ALOXE3: variants seen among roughly 807,000 people sequenced by gnomAD.
The protein encoded by ALOXE3 is hydroperoxide isomerase ALOXE3.
In ALOXE3, 78 loss-of-function variants were observed where a neutral mutation model predicts 87.5. The ratio of observed to expected loss-of-function variants is 0.89; its 90% CI spans 0.74 to 1.08. ALOXE3 has a LOEUF of 1.08. Among genes scored for constraint, ALOXE3 ranks in the 50% least tolerant of loss-of-function variants. The probability of loss-of-function intolerance (pLI) is 0.00; values close to 1 mark genes in which losing one functional copy is unlikely to be tolerated. For synonymous variants in ALOXE3, 363 were observed against 370.8 expected (o/e 0.98, Z 0.24); for missense variants, 946 against 912.4 (o/e 1.04, Z -0.47).
At chr17:8,118,902 C>G (rs1462813813), upstream of ALOXE3, 2 of 1,472,542 alleles carry the variant, frequency 1.4e-6, no homozygotes, top group Non-Finnish European at 8.9e-7. Context: ...GCAGCGGCCC[C>G]GCGCGGCCGG....
rs757551874 is a variant in ALOXE3, at chr17:8,118,143, T to A, written c.-153A>T. ...GGCTGAGGATGGGCCCAGCTCTCTC[T>A]GGGATGTTCCTGGGCTTTCTCTCTC... On this transcript the variant is annotated 5_prime_UTR_variant, in exon 2 of 16. Coordinates refer to ENST00000448843, the MANE Select transcript of ALOXE3 (RefSeq NM_021628.3). The A allele has an allele frequency of 6.4e-7, 1 of 1,551,494 alleles. No homozygotes were observed. The highest frequency in any genetic ancestry group is 8.7e-7 in the Non-Finnish European group (1 of 1,147,036).
chr17:8,106,011 A>G (rs1979282391), intron 13 of ALOXE3, among the ~76,000 whole-genome samples: 1 of 150,826 alleles, frequency 6.6e-6, no homozygotes, highest in Non-Finnish European at 1.5e-5. Flanking sequence ...GTGAGGCTGC[A>G]GAGGCATGCA....
chr17:8,106,750 G>A (rs1979343535), intron 13 of ALOXE3, among the ~76,000 whole-genome samples: 2 of 152,072 alleles, frequency 1.3e-5, no homozygotes, highest in African/African-American at 2.4e-5. Context: ...CGCTTGAACC[G>A]GGAGGTGGAG....
intron 15 of ALOXE3, among the ~76,000 whole-genome samples, chr17:8,101,622 T>G (rs1978927921): frequency 6.6e-6 from 1 of 152,084 alleles, no homozygotes; most frequent in African/African-American, 2.4e-5. Context: ...ATCAAATATG[T>G]GGGATCTTTC....
At position 8,108,522 on chromosome 17, in the gene ALOXE3, G is replaced by A. The variant is rs781631629; in HGVS notation, c.1630C>T (p.Gln544Ter). 27 of 1,613,616 alleles carry A rather than the reference G, an allele frequency of 1.7e-5. 1 individual carries two copies. In the South Asian group the frequency reaches 3.0e-4, roughly 18 times the overall value. ...GCAAAAATCTCGCCAGTCCAGGCCT[G>A]CAGCTCCGAATCCTGCTGCACAGAT... ...DASVQQDSEL[Q>*]AWTGEIFAQA... Residue 544 changes from glutamine (Q) to a stop codon, truncating the protein, a stop_gained, in exon 13 of 16, where the codon CAG becomes TAG. Transcript: ENST00000448843. LOFTEE classifies it high-confidence loss of function.
At chr17:8,118,823 G>A, upstream of ALOXE3, 1 of 1,536,408 alleles carries the variant, frequency 6.5e-7, no homozygotes, top group South Asian at 1.2e-5. Context: ...ATCCTGGGCG[G>A]GAGCCCAGGT....
intron 13 of ALOXE3, among the ~76,000 whole-genome samples, chr17:8,107,941 GAAA>G (rs1979563693): frequency 4.6e-4 from 2 of 4,360 alleles, no homozygotes; most frequent in Admixed American, 2.0e-3. Flanking sequence ...AAGAAAGAAA[GAAA>G]GAAAGAAAGA....
intron 15 of ALOXE3, among the ~76,000 whole-genome samples, chr17:8,102,217 G>A (rs577020097): frequency 1.6e-4 from 25 of 152,256 alleles, no homozygotes; most frequent in South Asian, 8.3e-4. Flanking sequence ...ATTGGCGGCC[G>A]TGCGCGGTGG....
intron 15 of ALOXE3, among the ~76,000 whole-genome samples, chr17:8,097,771 A>G (rs1482620107): frequency 6.9e-6 from 1 of 144,728 alleles, no homozygotes; most frequent in Non-Finnish European, 1.5e-5. Flanking sequence ...TTTTTGAGAC[A>G]GAGTCTCGCA....
chr17:8,104,619 A>C (rs1979155556), intron 13 of ALOXE3, among the ~76,000 whole-genome samples: 1 of 152,208 alleles, frequency 6.6e-6, no homozygotes, highest in East Asian at 1.9e-4. Context: ...AGCAGCAGAG[A>C]CCCACGCAGA....
upstream of ALOXE3, chr17:8,118,907 G>T (rs1187163377): frequency 6.8e-7 from 1 of 1,466,142 alleles, no homozygotes; most frequent in East Asian, 2.5e-5. Context: ...GGCCCCGCGC[G>T]GCCGGTTCCG....
Position 8,117,868 on chromosome 17 carries a change from C to A in ALOXE3, c.123G>T (p.Met41Ile). The A allele has an allele frequency of 6.2e-7, 1 of 1,611,648 alleles. No homozygotes were observed. The highest frequency in any genetic ancestry group is 1.1e-5 in the South Asian group (1 of 90,722). ...GESPKQRLDR[M>I]GRDFAPGSVQ... ...CCGATCCAGGGGCGAAGTCCCTGCC[C>A]ATTCGATCTAGCCGCTGCTTGGGGC... The change falls in exon 2 of 16, where the codon ATG becomes ATT. Residue 41 changes from methionine to isoleucine, a missense_variant. By Grantham distance (10) the Met-to-Ile change is conservative (BLOSUM62 1). Transcript: ENST00000448843.
At chr17:8,102,031 G>A (rs1344316501) in intron 15 of ALOXE3, among the ~76,000 whole-genome samples, 2 of 152,186 alleles carry the variant, frequency 1.3e-5, no homozygotes, top group Non-Finnish European at 2.9e-5. Context: ...ACGGCTGGGT[G>A]GAAACAAAGA....
chr17:8,117,025 C>G, intron 2 of ALOXE3, 45 bp from the exon 3 acceptor site: 1 of 1,576,762 alleles, frequency 6.3e-7, no homozygotes, highest in South Asian at 1.1e-5. Context: ...GGGGAACTGC[C>G]AAGGCGGTCC....
intron 13 of ALOXE3, among the ~76,000 whole-genome samples, chr17:8,106,890 G>A (rs753958462): frequency 2.0e-5 from 3 of 148,062 alleles, no homozygotes; most frequent in Non-Finnish European, 4.4e-5. Context: ...ATGTAATAAA[G>A]TAAGATAGGA....
chr17:8,098,228 G>GTTTTTTTTTTT (rs201308859), intron 15 of ALOXE3, among the ~76,000 whole-genome samples: 1 of 88,138 alleles, frequency 1.1e-5, no homozygotes, highest in African/African-American at 3.3e-5. Flanking sequence ...TATACTTTTG[G>GTTTTTTTTTTT]TTTTTGTTTT....
chr17:8,118,482 G>A lies in ALOXE3; in HGVS notation c.-314+4C>T, dbSNP rs1024379580. 3 of 1,546,354 alleles carry A rather than the reference G, an allele frequency of 1.9e-6. No homozygotes were observed. The highest frequency in any genetic ancestry group is 1.2e-5 in the South Asian group (1 of 84,048). On this transcript the variant is annotated splice_donor_region_variant and intron_variant, in intron 1 of 15. Transcript: ENST00000448843. ...ATTCCCAGGCAGAGATGAGCACAGG[G>A]CACCTGCATTCCTACGTGTGAATCA... is the stretch of plus-strand genomic sequence containing the variant.
intron 11 of ALOXE3, 62 bp from the exon 12 acceptor site, chr17:8,109,405 C>G: frequency 1.9e-6 from 3 of 1,592,586 alleles, no homozygotes; most frequent in Non-Finnish European, 2.6e-6. Flanking sequence ...TGTCTGGGCA[C>G]GAGATGGGGC....
chr17:8,109,983 C>G lies in ALOXE3; in HGVS notation c.1325G>C (p.Arg442Pro). The change falls in exon 11 of 16, where the codon CGA (arginine) becomes CCA (proline). Residue 442 changes from arginine to proline, a missense_variant. Coordinates refer to ENST00000448843, the MANE Select transcript of ALOXE3 (RefSeq NM_021628.3). ...PIYKLLLPHTRYTLQVNTIAR... is the reference protein window; with the variant it reads ...PIYKLLLPHTPYTLQVNTIAR... ...GATGGTGTTCACCTGCAGCGTGTATCGAGTGTGGGGGAGTAGGAGCTGCGA... is the reference window on the plus strand; with the variant it reads ...GATGGTGTTCACCTGCAGCGTGTATGGAGTGTGGGGGAGTAGGAGCTGCGA... 1 of 1,552,972 alleles carries G rather than the reference C, an allele frequency of 6.4e-7. No homozygotes were observed. Among genetic ancestry groups the G allele is most frequent in the Non-Finnish European group, 8.7e-7 (1 of 1,147,712 alleles).
Sources: gnomAD v4.1 joint callset for allele counts (sites outside exome capture counted in the v4.1 genomes callset) on GRCh38, gnomAD v4.1.1 for gene constraint, MANE v1.5 for transcripts, NCBI Gene and HGNC (gene_info 2026-07-23, HGNC 2026-07-21) for gene names.